Variants in ADAMTS12 observed in about 807,000 individuals in gnomAD.
ADAMTS12 encodes ADAM metallopeptidase with thrombospondin type 1 motif 12, also known as A disintegrin and metalloproteinase with thrombospondin motifs 12.
In ADAMTS12, 118 loss-of-function variants were observed where a neutral mutation model predicts 167.8. The observed-to-expected ratio is 0.70, with a 90% CI of 0.61 to 0.82. ADAMTS12 has a LOEUF of 0.82. Ranked by LOEUF, ADAMTS12 falls within the 40% of genes least tolerant of loss-of-function variation. ADAMTS12 has a pLI of 0.00. For missense variants in ADAMTS12, 1,916 were observed against 1,998.8 expected (o/e 0.96, Z 0.79); for synonymous variants, 704 against 716.9 (o/e 0.98, Z 0.29).
At chr5:33,549,083 C>T in intron 21 of ADAMTS12, 124 bp downstream of exon 21, 1 of 1,270,154 alleles carries the variant, frequency 7.9e-7, no homozygotes. Context: ...GGTCACTGAA[C>T]AGAGGCCAGT....
At chr5:33,711,527 G>A (rs1003934577) in intron 3 of ADAMTS12, among the ~76,000 whole-genome samples, 35 of 152,086 alleles carry the variant, frequency 2.3e-4, no homozygotes, top group Admixed American at 3.3e-4. Flanking sequence ...AGATTTTGGT[G>A]TCCTTCCAAA....
chr5:33,685,524 C>A (rs1347365396), intron 3 of ADAMTS12, among the ~76,000 whole-genome samples: 8 of 152,194 alleles, frequency 5.3e-5, no homozygotes, highest in Admixed American at 5.2e-4. Flanking sequence ...TCCTCAGTTT[C>A]TCTGTCCATA....
intron 2 of ADAMTS12, among the ~76,000 whole-genome samples, chr5:33,871,932 T>G (rs1222053003): frequency 1.3e-5 from 2 of 152,174 alleles, no homozygotes; most frequent in Admixed American, 6.5e-5. Flanking sequence ...TATGAACCAC[T>G]ATATGCCCCA....
At chr5:33,540,425 A>G (rs910939401) in intron 22 of ADAMTS12, among the ~76,000 whole-genome samples, 4 of 152,160 alleles carry the variant, frequency 2.6e-5, no homozygotes, top group Non-Finnish European at 5.9e-5. Context: ...AGACTTAAAC[A>G]TCCCTGTCTG....
chr5:33,574,645 C>G (rs1274880144), intron 19 of ADAMTS12, among the ~76,000 whole-genome samples: 2 of 151,686 alleles, frequency 1.3e-5, no homozygotes, highest in African/African-American at 4.9e-5. Flanking sequence ...ACACTTAATG[C>G]TAAACGACGA....
At chr5:33,647,068 T>C (rs1446364790) in intron 9 of ADAMTS12, among the ~76,000 whole-genome samples, 2 of 151,908 alleles carry the variant, frequency 1.3e-5, no homozygotes, top group African/African-American at 4.8e-5. Flanking sequence ...GATGAAAATA[T>C]GAAGGAGAGG....
intron 2 of ADAMTS12, among the ~76,000 whole-genome samples, chr5:33,766,392 T>C (rs1003252959): frequency 6.6e-6 from 1 of 152,092 alleles, no homozygotes; most frequent in Admixed American, 6.5e-5. Context: ...ATCTGACCAA[T>C]ACATCAAGCT....
chr5:33,737,091 C>T (rs1380142771), intron 3 of ADAMTS12, among the ~76,000 whole-genome samples: 1 of 152,226 alleles, frequency 6.6e-6, no homozygotes, highest in Non-Finnish European at 1.5e-5. Flanking sequence ...AGGTATCAAA[C>T]ATCCCATGCA....
intron 22 of ADAMTS12, among the ~76,000 whole-genome samples, chr5:33,542,523 T>C (rs1744757613): frequency 2.0e-5 from 3 of 152,188 alleles, no homozygotes; most frequent in Non-Finnish European, 4.4e-5. Flanking sequence ...CTATTAGACA[T>C]CTACAGAACT....
intron 2 of ADAMTS12, among the ~76,000 whole-genome samples, chr5:33,792,980 A>G (rs925607152): frequency 2.0e-5 from 3 of 152,220 alleles, no homozygotes; most frequent in Admixed American, 6.5e-5. Flanking sequence ...GCACTCCCTA[A>G]ACATCAAGCA....
intron 2 of ADAMTS12, among the ~76,000 whole-genome samples, chr5:33,754,788 G>A (rs541646255): frequency 1.3e-5 from 2 of 152,088 alleles, no homozygotes; most frequent in Non-Finnish European, 2.9e-5. Flanking sequence ...CCTGGGAGGC[G>A]GAGGTTGCAG....
chr5:33,627,088 T>C (rs1739683365), intron 13 of ADAMTS12, among the ~76,000 whole-genome samples: 2 of 146,102 alleles, frequency 1.4e-5, no homozygotes, highest in South Asian at 4.5e-4. Flanking sequence ...GTGGTGGTAG[T>C]GGTGGTGGTG....
chr5:33,825,392 G>A (rs1748025393), intron 2 of ADAMTS12, among the ~76,000 whole-genome samples: 1 of 152,168 alleles, frequency 6.6e-6, no homozygotes, highest in African/African-American at 2.4e-5. Flanking sequence ...TTTTAGAGAG[G>A]AAAACTGAGC....
chr5:33,792,696 TA>T (rs1270111108), intron 2 of ADAMTS12, among the ~76,000 whole-genome samples: 2 of 152,184 alleles, frequency 1.3e-5, no homozygotes, highest in African/African-American at 4.8e-5. Flanking sequence ...GCTGTTTCCA[TA>T]GGCACAGAAC....
chr5:33,723,351 T>C (rs1191207748), intron 3 of ADAMTS12, among the ~76,000 whole-genome samples: 2 of 152,182 alleles, frequency 1.3e-5, no homozygotes, highest in African/African-American at 4.8e-5. Context: ...CCTGTGTATC[T>C]CTCTAAGACC....
At chr5:33,636,514 C>A (rs1370698155) in intron 12 of ADAMTS12, among the ~76,000 whole-genome samples, 2 of 152,274 alleles carry the variant, frequency 1.3e-5, no homozygotes, top group Admixed American at 6.5e-5. Context: ...GCAATCACTG[C>A]CCTTGACAAC....
At chr5:33,588,832 G>C (rs895469264) in intron 17 of ADAMTS12, 23 bp from the exon 18 acceptor site, 2 of 1,610,638 alleles carry the variant, frequency 1.2e-6, no homozygotes. Context: ...ATGGATATGT[G>C]AGAGAAGATC....
chr5:33,849,176 TATATATATGTATTGCATAGCA>T (rs1749085732), intron 2 of ADAMTS12, among the ~76,000 whole-genome samples: 3 of 96,708 alleles, frequency 3.1e-5, no homozygotes, highest in South Asian at 3.4e-4. Flanking sequence ...TGCATAGCAA[TATATATATGTATTGCATAGCA>T]ATATATATAT....
intron 3 of ADAMTS12, among the ~76,000 whole-genome samples, chr5:33,744,384 G>A (rs1579898064): frequency 6.6e-6 from 1 of 152,160 alleles, no homozygotes; most frequent in Admixed American, 6.5e-5. Context: ...ATAAAAATGA[G>A]GTCAGGATGG....
Sources: gnomAD v4.1 joint callset for allele counts (sites outside exome capture counted in the v4.1 genomes callset) on GRCh38, gnomAD v4.1.1 for gene constraint, MANE v1.5 for transcripts, NCBI Gene and HGNC (gene_info 2026-07-23, HGNC 2026-07-21) for gene names.